The following ALPK2 variants were observed in gnomAD, a reference collection of about 807,000 sequenced individuals.
ALPK2 encodes alpha-protein kinase 2.
A neutral mutation model predicts 163.1 loss-of-function variants in ALPK2; 127 were observed. That is an observed-to-expected ratio of 0.78 (90% CI 0.67 to 0.90). The LOEUF (loss-of-function observed/expected upper bound fraction) is 0.90, where lower values mean the gene tolerates loss of function less well. ALPK2 is among the 40% of genes least tolerant of loss of function. The pLI, the probability that ALPK2 is intolerant of heterozygous loss-of-function variation, is 0.00. For missense variants in ALPK2, 2,360 were observed against 2,589.6 expected (o/e 0.91, Z 1.92); for synonymous variants, 953 against 959.1 (o/e 0.99, Z 0.12).
At position 58,498,108 on chromosome 18, in the gene ALPK2, A is replaced by C. The variant is rs1475999627; in HGVS notation, c.6248-11T>G. ...GCTTCATTCCTACACCTACAGGAAG[A>C]GAAAGCAAAGATGGGAGTTTGTGTT... On this transcript the variant is annotated splice_polypyrimidine_tract_variant and intron_variant, in intron 11 of 12. Coordinates refer to ENST00000361673, the MANE Select transcript of ALPK2 (RefSeq NM_052947.4). 2 of 1,613,978 alleles carry C rather than the reference A, an allele frequency of 1.2e-6. No individual in the cohort carries two copies. The highest frequency in any genetic ancestry group is 1.7e-6 in the Non-Finnish European group (2 of 1,179,972).
In ALPK2 at chr18:58,537,128, G is replaced by A; in HGVS notation, c.3059C>T (p.Ala1020Val). Reference protein sequence around the residue: ...TVTIATEVHPAKYLAVSIPED... With the variant: ...TVTIATEVHPVKYLAVSIPED... Reference sequence around the variant, plus strand: ...AGGAATTGACACAGCAAGGTATTTGGCTGGGTGGACTTCGGTGGCAATGGT... The same window carrying A: ...AGGAATTGACACAGCAAGGTATTTGACTGGGTGGACTTCGGTGGCAATGGT... The change falls in exon 5 of 13, where the codon GCC becomes GTC. Residue 1020 changes from alanine to valine, a missense_variant. Ala to Val is a moderately conservative substitution (Grantham distance 64). Coordinates refer to ENST00000361673, the MANE Select transcript of ALPK2 (RefSeq NM_052947.4). The A allele has an allele frequency of 6.2e-7, 1 of 1,614,158 alleles. No homozygotes were observed. The highest frequency in any genetic ancestry group is 1.1e-5 in the South Asian group (1 of 91,084).
At chr18:58,490,089 A>G (rs1387598567) in intron 12 of ALPK2, among the ~76,000 whole-genome samples, 1 of 152,182 alleles carries the variant, frequency 6.6e-6, no homozygotes, top group Non-Finnish European at 1.5e-5. Context: ...AAGAAAGAAA[A>G]AAAGAAACTT....
In ALPK2 at chr18:58,607,392, C is replaced by T. The variant is rs565612566; in HGVS notation, c.157G>A (p.Asp53Asn). The T allele has an allele frequency of 9.9e-6, 16 of 1,613,528 alleles. No homozygotes were observed. Among genetic ancestry groups the T allele is most frequent in the Admixed American group, 5.0e-5 (3 of 59,942 alleles). ...TAGTTGGAAATAATGCCACTCCCAT[C>T]GATGGCCTGACCATTCTTATACCAA... ...VTWYKNGQAI[D>N]GSGIISNYEF... The change falls in exon 3 of 13, where the codon GAT becomes AAT. Residue 53 changes from aspartate (D) to asparagine (N), a missense_variant. Coordinates refer to ENST00000361673, the MANE Select transcript of ALPK2 (RefSeq NM_052947.4).
chr18:58,585,960 G>C (rs1028298264), intron 3 of ALPK2, among the ~76,000 whole-genome samples: 1 of 152,178 alleles, frequency 6.6e-6, no homozygotes, highest in Non-Finnish European at 1.5e-5. Context: ...CTGGGATTAC[G>C]GGCATGAGCC....
intron 3 of ALPK2, among the ~76,000 whole-genome samples, chr18:58,592,572 G>A (rs937296413): frequency 1.3e-5 from 2 of 152,182 alleles, no homozygotes; most frequent in African/African-American, 2.4e-5. Flanking sequence ...AGGTAGGGCT[G>A]GGGGAGAGGG....
intron 6 of ALPK2, among the ~76,000 whole-genome samples, chr18:58,525,891 A>G (rs74867798): frequency 0.018 from 2,691 of 148,812 alleles, 84 homozygotes; most frequent in African/African-American, 0.063. Flanking sequence ...CTACCTCGGA[A>G]GTCCCAAAGA....
At chr18:58,594,187 C>T (rs903612246) in intron 3 of ALPK2, among the ~76,000 whole-genome samples, 3 of 152,102 alleles carry the variant, frequency 2.0e-5, no homozygotes, top group South Asian at 2.1e-4. Context: ...TTCCACTTGG[C>T]GCAGAAGCTC....
chr18:58,538,240 G>C lies in ALPK2; in HGVS notation c.1963-16C>G, dbSNP rs9962199. The C allele has an allele frequency of 6.3e-7, 1 of 1,598,240 alleles. No individual in the cohort carries two copies. Among genetic ancestry groups the C allele is most frequent in the Admixed American group, 1.7e-5 (1 of 59,604 alleles). ...GAACTTGTACCTAGGAAGATGAAAA[G>C]TGATATTAGTAGAATTGTTCATGGG... On this transcript the variant is annotated splice_polypyrimidine_tract_variant and intron_variant, in intron 4 of 12. Transcript: ENST00000361673.
At chr18:58,525,198 A>G (rs1253001132) in intron 6 of ALPK2, among the ~76,000 whole-genome samples, 3 of 152,216 alleles carry the variant, frequency 2.0e-5, no homozygotes, top group Non-Finnish European at 2.9e-5. Flanking sequence ...AGCCTCCAAT[A>G]TATACATTCC....
At position 58,516,972 on chromosome 18, in the gene ALPK2, G is replaced by A; in HGVS notation, c.5876C>T (p.Ala1959Val). ...GHACVLKVHN[A>V]IAYGTRNNDE... is the part of the protein sequence containing the mutation. ...ATTATTTCTGGTCCCATAGGCAATG[G>A]CATTGTGCACCTTAAGCACACAGGC... The change falls in exon 9 of 13, where the codon GCC (alanine) becomes GTC (valine). Residue 1959 changes from alanine to valine, a missense_variant. Transcript: ENST00000361673. The A allele has an allele frequency of 1.9e-6, 3 of 1,614,168 alleles. No individual in the cohort carries two copies. The highest frequency in any genetic ancestry group is 2.5e-6 in the Non-Finnish European group (3 of 1,180,022).
intron 3 of ALPK2, among the ~76,000 whole-genome samples, chr18:58,591,646 G>A (rs2052015393): frequency 6.6e-6 from 1 of 152,194 alleles, no homozygotes; most frequent in African/African-American, 2.4e-5. Flanking sequence ...TGTGGTTGGT[G>A]GAGGGGTGAT....
chr18:58,555,325 CT>C, intron 4 of ALPK2, among the ~76,000 whole-genome samples: 1 of 152,302 alleles, frequency 6.6e-6, no homozygotes, highest in Non-Finnish European at 1.5e-5. Context: ...AGTACAGTAA[CT>C]AGCTTAGGTG....
rs771363164 is a variant in ALPK2 at position 58,536,193 on chromosome 18, C to CA, written c.3993_3994insT (p.Gly1332TrpfsTer17). 1.2e-6 allele frequency: 2 copies of CA among 1,614,124 alleles called. No individual in the cohort carries two copies. On this transcript the variant is annotated frameshift_variant, in exon 5 of 13. Coordinates refer to ENST00000361673, the MANE Select transcript of ALPK2 (RefSeq NM_052947.4). ...TCCAGGAGTCTGGGTTGGCTGAAAC[C>CA]CCGGGAAGAAAGACTTCTCCAATGT...
chr18:58,515,600 A>G (rs1602196047), intron 9 of ALPK2, among the ~76,000 whole-genome samples: 3 of 152,212 alleles, frequency 2.0e-5, no homozygotes, highest in Admixed American at 2.0e-4. Context: ...AGACTGTGTC[A>G]TATTTGAGAT....
Position 58,617,933 on chromosome 18 carries a change from C to G in ALPK2, c.-20-6116G>C, listed in dbSNP as rs559368453. Among the ~76,000 whole-genome samples the G allele has an allele frequency of 1.1e-3, 161 of 152,308 alleles. 2 individuals carry two copies. Among genetic ancestry groups the G allele is most frequent in the African/African-American group, 3.7e-3 (152 of 41,558 alleles). On this transcript the variant is annotated intron_variant, in intron 1 of 12. Transcript: ENST00000361673. ...GATGTATAACTTGGCTGGAGTGTTT[C>G]AGACTTCCAATGACATCCTAGTACA...
chr18:58,535,081 G>A lies in ALPK2; in HGVS notation c.5106C>T (p.Leu1702=). Residue 1702 remains leucine, a synonymous_variant, in exon 5 of 13, where the codon CTC becomes CTT. Coordinates refer to ENST00000361673, the MANE Select transcript of ALPK2 (RefSeq NM_052947.4). ...EARAGKSPGT[L]TAVTGSEEVK... ...CCTCCTCTGACCCCGTCACTGCTGT[G>A]AGGGTCCCTGGCGATTTGCCTGCTC... The A allele has an allele frequency of 1.2e-6, 2 of 1,614,090 alleles. No homozygotes were observed. Among genetic ancestry groups the A allele is most frequent in the Non-Finnish European group, 1.7e-6 (2 of 1,180,016 alleles).
chr18:58,537,229 C>A lies in ALPK2; in HGVS notation c.2958G>T (p.Trp986Cys), dbSNP rs138277786. Reference protein sequence around the residue: ...ASYSSIVSFPWEKPTTLTANN... With the variant: ...ASYSSIVSFPCEKPTTLTANN... ...TAGCAGTTAATGTTGTTGGCTTCTC[C>A]CAAGGAAAACTCACAATTGAACTAT... The change falls in exon 5 of 13, where the codon TGG (tryptophan) becomes TGT (cysteine). Residue 986 changes from tryptophan to cysteine, a missense_variant. Transcript: ENST00000361673. The A allele has an allele frequency of 2.4e-5, 39 of 1,614,002 alleles. No homozygotes were observed. The African/African-American group carries it at 4.5e-4, about 19-fold the overall frequency.
At chr18:58,499,034 A>T (rs1382504557) in intron 11 of ALPK2, among the ~76,000 whole-genome samples, 1 of 152,170 alleles carries the variant, frequency 6.6e-6, no homozygotes, top group Non-Finnish European at 1.5e-5. Context: ...CTGGGTGGTC[A>T]GTGTTAGACC....
Position 58,523,656 on chromosome 18 carries a change from T to C in ALPK2, c.5665+150A>G, listed in dbSNP as rs1021452255. On this transcript the variant is annotated intron_variant, in intron 8 of 12. Transcript: ENST00000361673. The stretch of plus-strand genomic sequence containing the variant: ...ATTGTGGTTTTGATTTGCATTTCTC[T>C]GATGGCATTCATTTCTTAAGTCACG... 9 of 907,654 alleles carry C rather than the reference T, an allele frequency of 9.9e-6. No homozygotes were observed. The African/African-American group carries it at 1.5e-4, about 15-fold the overall frequency. 56.2% of individuals were successfully genotyped at this position (907,654 alleles called of 1,614,324 possible).
Sources: allele counts gnomAD v4.1 joint callset (sites outside exome capture counted in the v4.1 genomes callset), GRCh38; gene constraint gnomAD v4.1.1; transcripts MANE v1.5; gene names NCBI Gene and HGNC (gene_info 2026-07-23, HGNC 2026-07-21).